SLC25A26: variants seen among roughly 807,000 people sequenced by gnomAD.
The protein encoded by SLC25A26 is solute carrier family 25 member 26, also known as mitochondrial S-adenosylmethionine carrier protein.
In SLC25A26, 36 loss-of-function variants were observed where a neutral mutation model predicts 37.8. The ratio of observed to expected loss-of-function variants is 0.95; its 90% CI spans 0.73 to 1.26. The LOEUF is 1.26. Ranked by LOEUF, SLC25A26 falls within the 50% of genes most tolerant of loss-of-function variation. The pLI is 0.00. For synonymous variants in SLC25A26, 129 were observed against 122.5 expected (o/e 1.05, Z -0.35); for missense variants, 390 against 331.1 (o/e 1.18, Z -1.38).
chr3:66,317,981 C>T (rs1022089501), intron 5 of SLC25A26, among the ~76,000 whole-genome samples: 1 of 152,186 alleles, frequency 6.6e-6, no homozygotes, highest in African/African-American at 2.4e-5. Context: ...GGAAAACAGC[C>T]AACTGGAGCT....
At chr3:66,304,531 T>C in intron 5 of SLC25A26, 1 of 455,108 alleles carries the variant, frequency 2.2e-6, no homozygotes, top group Non-Finnish European at 4.4e-6. Flanking sequence ...TACATGCTGT[T>C]ATACTGGTAA....
chr3:66,162,266 C>A lies in SLC25A26; in HGVS notation c.-354+28282C>A, dbSNP rs543652549. Among the ~76,000 whole-genome samples the A allele has an allele frequency of 4.0e-5, 6 of 151,676 alleles. No homozygotes were observed. In the East Asian group the frequency reaches 1.2e-3, roughly 29 times the overall value. ...TATGACCTCATTTTACCTTACTTAC[C>A]TCTTTAAAGGCCCCGTCTCCAAATA... On this transcript the variant is annotated intron_variant, in intron 1 of 10. Transcript: ENST00000676754.
At chr3:66,245,681 G>T (rs1449799749) in intron 3 of SLC25A26, among the ~76,000 whole-genome samples, 1 of 152,160 alleles carries the variant, frequency 6.6e-6, no homozygotes, top group African/African-American at 2.4e-5. Context: ...GTTTGAACAA[G>T]AATCTACAAA....
intron 5 of SLC25A26, among the ~76,000 whole-genome samples, chr3:66,283,379 C>T (rs376584939): frequency 2.0e-5 from 3 of 152,272 alleles, no homozygotes; most frequent in South Asian, 2.1e-4. Flanking sequence ...TTCCCGGGCT[C>T]AAGTGATCCT....
Position 66,377,905 on chromosome 3 carries a change from T to C in SLC25A26, c.*98T>C. On this transcript the variant is annotated 3_prime_UTR_variant, in exon 10 of 10. Coordinates refer to ENST00000354883, the MANE Select transcript of SLC25A26 (RefSeq NM_001379210.1). ...CTGTCTGAACTATAGGCCCCAGTGCTGAAGACCAGTTGTGCTAAGATACCG... is the reference window on the plus strand; with the variant it reads ...CTGTCTGAACTATAGGCCCCAGTGCCGAAGACCAGTTGTGCTAAGATACCG... 1.1e-6 allele frequency: 1 copy of C among 896,746 alleles called. No homozygotes were observed. The highest frequency in any genetic ancestry group is 1.8e-6 in the Non-Finnish European group (1 of 555,042). 55.5% of individuals were successfully genotyped at this position (896,746 alleles called of 1,614,324 possible).
intron 5 of SLC25A26, among the ~76,000 whole-genome samples, chr3:66,283,052 C>G (rs2074399169): frequency 6.6e-6 from 1 of 152,018 alleles, no homozygotes. Flanking sequence ...GGGTGGTATT[C>G]CATTGTTAGG....
intron 9 of SLC25A26, chr3:66,371,265 T>G (rs890852562): frequency 6.5e-7 from 1 of 1,549,206 alleles, no homozygotes; most frequent in Admixed American, 2.0e-5. Flanking sequence ...AGAGGGTCGG[T>G]CGGCAGCTGC....
At chr3:66,213,353 T>A (rs1336396130) in intron 1 of SLC25A26, among the ~76,000 whole-genome samples, 1 of 117,212 alleles carries the variant, frequency 8.5e-6, no homozygotes, top group Non-Finnish European at 1.6e-5. Context: ...TGAGCCAAGA[T>A]CATGCCACTG....
chr3:66,238,740 A>C (rs1269920218), intron 2 of SLC25A26, among the ~76,000 whole-genome samples: 3 of 152,094 alleles, frequency 2.0e-5, no homozygotes, highest in Non-Finnish European at 4.4e-5. Flanking sequence ...GGAAGAGAAA[A>C]CGTATATTCA....
intron 5 of SLC25A26, among the ~76,000 whole-genome samples, chr3:66,268,627 C>A (rs1437796698): frequency 6.6e-5 from 10 of 152,156 alleles, no homozygotes; most frequent in Admixed American, 6.5e-4. Context: ...GAAATGTTAA[C>A]TAGGATGATT....
intron 5 of SLC25A26, among the ~76,000 whole-genome samples, chr3:66,305,772 T>C (rs1185050966): frequency 6.6e-6 from 1 of 152,142 alleles, no homozygotes; most frequent in Admixed American, 6.5e-5. Context: ...TACATGTGCG[T>C]GTGTCTTTGT....
At chr3:66,172,363 TTTGCACCA>T (rs2070511697) in intron 1 of SLC25A26, among the ~76,000 whole-genome samples, 1 of 142,300 alleles carries the variant, frequency 7.0e-6, no homozygotes, top group South Asian at 2.2e-4. Flanking sequence ...GTGAGCCATG[TTTGCACCA>T]TTGTACTCCA....
intron 5 of SLC25A26, among the ~76,000 whole-genome samples, chr3:66,340,309 C>G (rs878870348): frequency 2.2e-4 from 34 of 151,990 alleles, no homozygotes; most frequent in Admixed American, 9.8e-4. Flanking sequence ...ACCTTGAGGT[C>G]CATATGAATT....
intron 6 of SLC25A26, 28 bp from the exon 7 acceptor site, chr3:66,362,832 T>C (rs759169225): frequency 1.4e-5 from 21 of 1,507,582 alleles, no homozygotes; most frequent in Non-Finnish European, 1.9e-5. Flanking sequence ...ATTTAATAAC[T>C]TGTATTTTTC....
At chr3:66,250,683 T>C (rs1479400290) in intron 3 of SLC25A26, among the ~76,000 whole-genome samples, 1 of 150,234 alleles carries the variant, frequency 6.7e-6, no homozygotes, top group East Asian at 2.0e-4. Context: ...AACCCTGTCA[T>C]AAATTGAGGG....
At chr3:66,307,984 G>A (rs2075274560) in intron 5 of SLC25A26, among the ~76,000 whole-genome samples, 1 of 152,062 alleles carries the variant, frequency 6.6e-6, no homozygotes, top group African/African-American at 2.4e-5. Context: ...GGCTATACGG[G>A]TCTTCTTTGG....
At chr3:66,252,955 A>G (rs1482811823) in intron 3 of SLC25A26, among the ~76,000 whole-genome samples, 1 of 150,550 alleles carries the variant, frequency 6.6e-6, no homozygotes, top group Non-Finnish European at 1.5e-5. Context: ...GTAAGGATTC[A>G]CATCACTGGT....
At chr3:66,174,521 C>T (rs1258166771) in intron 1 of SLC25A26, among the ~76,000 whole-genome samples, 2 of 152,216 alleles carry the variant, frequency 1.3e-5, no homozygotes, top group Non-Finnish European at 2.9e-5. Flanking sequence ...TGGCTCAGGC[C>T]TGTAATCCCA....
intron 1 of SLC25A26, among the ~76,000 whole-genome samples, chr3:66,159,129 C>T (rs560890391): frequency 6.6e-6 from 1 of 152,220 alleles, no homozygotes; most frequent in African/African-American, 2.4e-5. Context: ...ACGGTGGGCC[C>T]GTGTCCTGCT....
Sources: allele counts gnomAD v4.1 joint callset (sites outside exome capture counted in the v4.1 genomes callset), GRCh38; gene constraint gnomAD v4.1.1; transcripts MANE v1.5; gene names NCBI Gene and HGNC (gene_info 2026-07-23, HGNC 2026-07-21).